The following ANKS1B variants were observed in gnomAD, a reference collection of about 807,000 sequenced individuals.
The protein encoded by ANKS1B is ankyrin repeat and sterile alpha motif domain containing 1B, also known as ankyrin repeat and sterile alpha motif domain-containing protein 1B.
A neutral mutation model predicts 148.3 loss-of-function variants in ANKS1B; 36 were observed. The ratio of observed to expected loss-of-function variants is 0.24; its 90% CI spans 0.19 to 0.32. ANKS1B has a LOEUF of 0.32. Ranked by LOEUF, ANKS1B falls within the 10% of genes least tolerant of loss-of-function variation. The pLI is 1.00. For synonymous variants in ANKS1B, 542 were observed against 560.8 expected, an observed-to-expected ratio of 0.97 and a Z score of 0.47; for missense variants, 1,157 against 1,542.6, an observed-to-expected ratio of 0.75 and a Z score of 4.19.
intron 15 of ANKS1B, chr12:99,093,336 T>A (rs2054743459): frequency 6.6e-6 from 1 of 152,242 alleles, no homozygotes; most frequent in Admixed American, 6.5e-5. Flanking sequence ...ACTAACTAAC[T>A]TGCCATGTTT....
intron 8 of ANKS1B, among the ~76,000 whole-genome samples, chr12:99,670,484 A>G (rs897371159): frequency 2.0e-5 from 3 of 152,100 alleles, no homozygotes; most frequent in African/African-American, 7.2e-5. Context: ...TATGCCCAAT[A>G]TTTCAAATAA....
chr12:99,923,758 G>A (rs1284273295), intron 1 of ANKS1B, among the ~76,000 whole-genome samples: 3 of 151,936 alleles, frequency 2.0e-5, no homozygotes, highest in Admixed American at 6.6e-5. Flanking sequence ...TACGTTAGTG[G>A]ACTTTTAGGG....
chr12:99,608,050 A>G lies in ANKS1B; in HGVS notation c.1272+47017T>C, dbSNP rs755282828. On this transcript the variant is annotated intron_variant, in intron 9 of 26. Coordinates refer to ENST00000683438, the MANE Select transcript of ANKS1B (RefSeq NM_001352186.2). ...AATAACCAGCTGATCCCATTATTAC[A>G]TTGGGTTTTGGGTCTCTTAGAGCTG... Among the ~76,000 whole-genome samples the G allele has an allele frequency of 5.9e-5, 9 of 152,100 alleles. 1 individual carries two copies. Among genetic ancestry groups the G allele is most frequent in the Non-Finnish European group, 1.3e-4 (9 of 68,000 alleles).
In ANKS1B at chr12:98,777,217, A is replaced by C. The variant is rs539867416; in HGVS notation, c.3441+3900T>G. On this transcript the variant is annotated intron_variant, in intron 24 of 26. Transcript: ENST00000683438. ...CTTAAAAACAAAACAAAACAAAAAAACCCCCAAACAACAGGCACTTGTTTA... is the reference window on the plus strand; with the variant it reads ...CTTAAAAACAAAACAAAACAAAAAACCCCCCAAACAACAGGCACTTGTTTA... 2.4e-3 allele frequency among the ~76,000 whole-genome samples: 358 copies of C among 151,984 alleles called. 1 individual carries two copies. The highest frequency in any genetic ancestry group is 2.8e-3 in the Non-Finnish European group (190 of 67,974).
In ANKS1B at chr12:98,934,334, T is replaced by C. The variant is rs2099816508; in HGVS notation, c.2779-102198A>G. Among the ~76,000 whole-genome samples the C allele has an allele frequency of 2.0e-5, 3 of 152,154 alleles. No individual in the cohort carries two copies. In the South Asian group the frequency reaches 6.2e-4, roughly 31 times the overall value. On this transcript the variant is annotated intron_variant, in intron 17 of 26. Coordinates refer to ENST00000683438, the MANE Select transcript of ANKS1B (RefSeq NM_001352186.2). ...CATGGATTTATTTCTGGGCTCTTTA[T>C]TCTACTCCATTAGCCTATATGTCTG...
chr12:99,935,893 G>T (rs188246843), intron 1 of ANKS1B, among the ~76,000 whole-genome samples: 6 of 152,034 alleles, frequency 3.9e-5, no homozygotes, highest in Admixed American at 3.3e-4. Context: ...CCTGACACTG[G>T]ATAATTTATA....
intron 4 of ANKS1B, among the ~76,000 whole-genome samples, chr12:99,805,957 G>A (rs1328612483): frequency 6.6e-6 from 1 of 152,132 alleles, no homozygotes; most frequent in Non-Finnish European, 1.5e-5. Flanking sequence ...TCTCTTAACT[G>A]AAATTTAATA....
chr12:99,268,136 T>C (rs987958892), intron 12 of ANKS1B, among the ~76,000 whole-genome samples: 1 of 152,140 alleles, frequency 6.6e-6, no homozygotes, highest in African/African-American at 2.4e-5. Context: ...GATACAGGAC[T>C]ATCAAGAGAA....
chr12:98,948,320 T>C (rs1290092442), intron 17 of ANKS1B, among the ~76,000 whole-genome samples: 1 of 152,198 alleles, frequency 6.6e-6, no homozygotes, highest in East Asian at 1.9e-4. Context: ...CAGCAACCCT[T>C]GTTGCATTGT....
chr12:99,692,043 A>T (rs934930249), intron 8 of ANKS1B, among the ~76,000 whole-genome samples: 2 of 152,216 alleles, frequency 1.3e-5, no homozygotes, highest in African/African-American at 4.8e-5. Context: ...GAGATAGATG[A>T]GAGTCAAATT....
At chr12:99,459,762 A>G (rs551718862) in intron 10 of ANKS1B, among the ~76,000 whole-genome samples, 13 of 152,280 alleles carry the variant, frequency 8.5e-5, no homozygotes, top group African/African-American at 3.1e-4. Flanking sequence ...AGATTGACAT[A>G]AACAAATAGA....
At chr12:99,229,406 T>G (rs2086468499) in intron 14 of ANKS1B, among the ~76,000 whole-genome samples, 1 of 151,902 alleles carries the variant, frequency 6.6e-6, no homozygotes, top group Admixed American at 6.6e-5. Flanking sequence ...TATATGTGCA[T>G]TTTTTGCTCC....
At chr12:99,929,691 G>A (rs955637756) in intron 1 of ANKS1B, among the ~76,000 whole-genome samples, 5 of 152,150 alleles carry the variant, frequency 3.3e-5, no homozygotes, top group African/African-American at 1.2e-4. Flanking sequence ...GTAAGGAAGG[G>A]ATCCAGTTTC....
chr12:99,470,610 C>A (rs182825165), intron 10 of ANKS1B, among the ~76,000 whole-genome samples: 2 of 152,072 alleles, frequency 1.3e-5, no homozygotes, highest in African/African-American at 2.4e-5. Context: ...TAGATTACTT[C>A]TTTTATATGC....
In ANKS1B at chr12:99,850,281, G is replaced by GTCTCTCTCTC. The variant is rs71436968; in HGVS notation, c.135-24902_135-24893dup. ...TTGAGAAAACAGCAGAAGCAAGAAA[G>GTCTCTCTCTC]TCTCTCTCTCTCTCTCTCTCTCTCT... On this transcript the variant is annotated intron_variant, in intron 1 of 26. Transcript: ENST00000683438. Among the ~76,000 whole-genome samples the GTCTCTCTCTC allele has an allele frequency of 1.5e-3, 166 of 114,248 alleles. 2 individuals carry two copies. Among genetic ancestry groups the GTCTCTCTCTC allele is most frequent in the African/African-American group, 5.1e-3 (142 of 27,822 alleles). 75.0% of individuals were successfully genotyped at this position (114,248 alleles called of 152,430 possible).
chr12:99,203,032 G>A lies in ANKS1B; in HGVS notation c.2419+41310C>T, dbSNP rs114490191. ...TACATTACTTCTACCACTTTCTATT[G>A]GTGAAAGCAAGTGAAAGAGCCAGCC... On this transcript the variant is annotated intron_variant, in intron 14 of 26. Coordinates refer to ENST00000683438, the MANE Select transcript of ANKS1B (RefSeq NM_001352186.2). Among the ~76,000 whole-genome samples, 1,120 of 152,228 alleles carry A rather than the reference G, an allele frequency of 7.4e-3. 13 individuals are homozygous for A. The highest frequency in any genetic ancestry group is 0.025 in the African/African-American group (1,040 of 41,552).
intron 17 of ANKS1B, among the ~76,000 whole-genome samples, chr12:98,934,495 A>G (rs1490449374): frequency 6.6e-6 from 1 of 152,076 alleles, no homozygotes; most frequent in Non-Finnish European, 1.5e-5. Flanking sequence ...TTGTCTATTT[A>G]TGTAAAAAAA....
At chr12:98,782,017 C>T in intron 23 of ANKS1B, 109 bp downstream of exon 23, 1 of 945,786 alleles carries the variant, frequency 1.1e-6, no homozygotes. Flanking sequence ...TTAGTATGTG[C>T]CTTTCCTGTT....
At chr12:99,759,922 A>AAGTTAG (rs2061924061) in intron 8 of ANKS1B, among the ~76,000 whole-genome samples, 1 of 149,816 alleles carries the variant, frequency 6.7e-6, no homozygotes. Context: ...AGTTTAATTC[A>AAGTTAG]AGTTAGAGAT....
Sources: gnomAD v4.1 joint callset for allele counts (sites outside exome capture counted in the v4.1 genomes callset) on GRCh38, gnomAD v4.1.1 for gene constraint, MANE v1.5 for transcripts, NCBI Gene and HGNC (gene_info 2026-07-23, HGNC 2026-07-21) for gene names.